Variants in GMIP observed in about 807,000 individuals in gnomAD.
The protein encoded by GMIP is GEM interacting protein.
A neutral mutation model predicts 105.3 loss-of-function variants in GMIP; 54 were observed. That is an observed-to-expected ratio of 0.51 (90% CI 0.41 to 0.64). GMIP has a LOEUF of 0.64. GMIP is among the 30% of genes least tolerant of loss of function. The probability of loss-of-function intolerance (pLI) is 0.00; values close to 1 mark genes in which losing one functional copy is unlikely to be tolerated. For synonymous variants in GMIP, 541 were observed against 560.8 expected (o/e 0.96, Z 0.50); for missense variants, 1,110 against 1,319.4 (o/e 0.84, Z 2.46).
chr19:19,631,698 C>G (rs557169348), intron 19 of GMIP, among the ~76,000 whole-genome samples: 1 of 152,186 alleles, frequency 6.6e-6, no homozygotes. Context: ...AAAGATTCTA[C>G]GCCAGGCGGC....
rs116191030 is a variant in GMIP at position 19,638,628 on chromosome 19, G to A, written c.538-146C>T. On this transcript the variant is annotated intron_variant, in intron 7 of 20. Coordinates refer to ENST00000203556, the MANE Select transcript of GMIP (RefSeq NM_016573.4). The stretch of plus-strand genomic sequence containing the variant: ...TTCGAGACGGAGTTTTGCTCTTGTT[G>A]CCCAGGTTGGAGTGCAAGTGGGCAA... 2,052 of 659,524 alleles carry A rather than the reference G, an allele frequency of 3.1e-3. 28 individuals are homozygous for A. The African/African-American group carries it at 0.032, about 10-fold the overall frequency. 40.9% of individuals were successfully genotyped at this position (659,524 alleles called of 1,614,324 possible).
intron 19 of GMIP, among the ~76,000 whole-genome samples, chr19:19,632,909 T>G (rs2061810927): frequency 6.6e-6 from 1 of 152,168 alleles, no homozygotes; most frequent in East Asian, 1.9e-4. Context: ...ACCCTTCACC[T>G]GATCTCCATG....
chr19:19,640,231 C>G, intron 6 of GMIP, 39 bp from the exon 7 acceptor site: 1 of 1,575,518 alleles, frequency 6.3e-7, no homozygotes, highest in Non-Finnish European at 8.7e-7. Context: ...TACTGAAGAT[C>G]TGTGGGGGAC....
In GMIP at chr19:19,635,459, G is replaced by T. The variant is rs765676198; in HGVS notation, c.1516C>A (p.Arg506Ser). ...CTGACCATGAAGGCTTCGCACTCGC[G>T]GCACTTGGCTGGGCCCCGCAGTCGC... is the stretch of plus-strand genomic sequence containing the variant. ...LRRLRGPAKC[R>S]ECEAFMVSGT... The change falls in exon 15 of 21, where the codon CGC becomes AGC. Residue 506 changes from arginine to serine, a missense_variant. Arg to Ser is a moderately radical substitution (Grantham distance 110). Around this residue, in one of 3 missense-constraint regions of GMIP, gnomAD observed 667 missense variants for 773.2 expected, o/e 0.86. Transcript: ENST00000203556. This position sits in a 1 kb window ranked among gnomAD's most constrained non-coding sequence, Gnocchi z 4.7. 6.2e-7 allele frequency: 1 copy of T among 1,610,060 alleles called. No individual in the cohort carries two copies. Among genetic ancestry groups the T allele is most frequent in the South Asian group, 1.1e-5 (1 of 91,014 alleles).
At chr19:19,640,216 G>C in intron 6 of GMIP, 24 bp from the exon 7 acceptor site, 1 of 1,586,158 alleles carries the variant, frequency 6.3e-7, no homozygotes, top group Non-Finnish European at 8.7e-7. Flanking sequence ...AGTGGTGTAG[G>C]AGGATACTGA....
Position 19,637,921 on chromosome 19 carries a change from C to T in GMIP, c.926G>A (p.Arg309Gln). ...GATGGCCTTGGGGATGGGCCTCACCCGCCTCAGCACTTCATCCCCCTGAAA... is the reference window on the plus strand; with the variant it reads ...GATGGCCTTGGGGATGGGCCTCACCTGCCTCAGCACTTCATCCCCCTGAAA... ...LVFQGDEVLR[R>Q]VTLSLFGLRG... The change falls in exon 10 of 21, where the codon CGG (arginine) becomes CAG (glutamine). Residue 309 changes from arginine (R) to glutamine (Q), a missense_variant and splice_region_variant. Transcript: ENST00000203556. This position sits in a 1 kb window ranked among gnomAD's most constrained non-coding sequence, Gnocchi z 6.7. 1 of 1,598,122 alleles carries T rather than the reference C, an allele frequency of 6.3e-7. No individual in the cohort carries two copies. The highest frequency in any genetic ancestry group is 8.5e-7 in the Non-Finnish European group (1 of 1,172,978).
intron 4 of GMIP, 96 bp from the exon 5 acceptor site, chr19:19,640,667 A>C: frequency 3.3e-6 from 4 of 1,202,762 alleles, no homozygotes; most frequent in South Asian, 1.3e-5. Flanking sequence ...CCTGTCCTAC[A>C]GCCTCACAGC....
rs1223688459 is a variant in GMIP, at chr19:19,630,157, T to A, written c.2719A>T (p.Ser907Cys). The A allele has an allele frequency of 1.2e-6, 2 of 1,604,558 alleles. No individual in the cohort carries two copies. Among genetic ancestry groups the A allele is most frequent in the Non-Finnish European group, 1.7e-6 (2 of 1,174,150 alleles). Residue 907 changes from serine (S) to cysteine (C), a missense_variant, in exon 21 of 21, where the codon AGT (serine) becomes TGT (cysteine). By Grantham distance (112) the Ser-to-Cys change is moderately radical. Around this residue, in one of 3 missense-constraint regions of GMIP, gnomAD observed 394 missense variants for 450.5 expected, o/e 0.87. Coordinates refer to ENST00000203556, the MANE Select transcript of GMIP (RefSeq NM_016573.4). The surrounding 1 kb of genome is among the most constrained non-coding windows in gnomAD (Gnocchi z 4.8). ...ETPITSVPRG[S>C]LRGRGPSPAA... ...GGGCTGGGCCCCCGCCCCCGCAAACTCCCTCTGGGCACTGATGTGATGGGG... is the reference window on the plus strand; with the variant it reads ...GGGCTGGGCCCCCGCCCCCGCAAACACCCTCTGGGCACTGATGTGATGGGG...
At position 19,630,507 on chromosome 19, in the gene GMIP, C is replaced by T. The variant is rs531337427; in HGVS notation, c.2503G>A (p.Asp835Asn). Residue 835 changes from aspartate (D) to asparagine (N), a missense_variant, in exon 20 of 21, where the codon GAC becomes AAC. This residue lies in a region of GMIP where 394 missense variants were observed against 450.5 expected (regional missense o/e 0.87). Transcript: ENST00000203556. This position sits in a 1 kb window ranked among gnomAD's most constrained non-coding sequence, Gnocchi z 4.8. ...IPTPQSDQRE[D>N]VAEDTKDGGG... ...CCATCTTTGGTGTCTTCAGCCACGT[C>T]CTCTCTCTGGTCACTCTGTGGAGTT... The T allele has an allele frequency of 6.2e-7, 1 of 1,614,090 alleles. No homozygotes were observed. Among genetic ancestry groups the T allele is most frequent in the Non-Finnish European group, 8.5e-7 (1 of 1,179,956 alleles).
intron 4 of GMIP, 26 bp from the exon 5 acceptor site, chr19:19,640,597 C>T (rs755788287): frequency 2.5e-6 from 4 of 1,613,268 alleles, no homozygotes; most frequent in Admixed American, 1.7e-5. Flanking sequence ...GGACCTCTGA[C>T]CTTTGCACCC....
intron 7 of GMIP, 56 bp from the exon 8 acceptor site, chr19:19,638,538 A>G (rs941551622): frequency 1.4e-6 from 2 of 1,431,564 alleles, no homozygotes; most frequent in African/African-American, 1.4e-5. Context: ...ACCCAGAAGC[A>G]GCCACCCAGT....
chr19:19,636,777 C>T lies in GMIP; in HGVS notation c.1257G>A (p.Pro419=), dbSNP rs142302359. The change falls in exon 13 of 21, where the codon CCG becomes CCA. Residue 419 remains proline, a synonymous_variant. Transcript: ENST00000203556. ...WRWQGTPGPT[P]GSDVDSVGGG... ...CACCCACGCTGTCCACATCGCTGCCCGGAGTGGGGCCTGGAGTCCCTAGGT... is the reference window on the plus strand; with the variant it reads ...CACCCACGCTGTCCACATCGCTGCCTGGAGTGGGGCCTGGAGTCCCTAGGT... The T allele has an allele frequency of 1.4e-5, 23 of 1,612,354 alleles. No homozygotes were observed. Among genetic ancestry groups the T allele is most frequent in the Admixed American group, 1.7e-5 (1 of 59,760 alleles).
rs1382360542 is a variant in GMIP at position 19,633,892 on chromosome 19, A to G, written c.2383T>C (p.Ser795Pro). The stretch of plus-strand genomic sequence containing the variant: ...TCTGAGGCTAGGACTGGGGGCTGGG[A>G]GTCTGGGTCAAGGTGCGGGGGTGGC... ...QPPPPHLDPDSQPPVLASDPG... is the reference protein window; with the variant it reads ...QPPPPHLDPDPQPPVLASDPG... The change falls in exon 19 of 21, where the codon TCC becomes CCC. Residue 795 changes from serine to proline, a missense_variant. Physicochemically the swap from Ser to Pro is moderately conservative, Grantham distance 74 (BLOSUM62 -1). Coordinates refer to ENST00000203556, the MANE Select transcript of GMIP (RefSeq NM_016573.4). 1 of 1,407,876 alleles carries G rather than the reference A, an allele frequency of 7.1e-7. No individual in the cohort carries two copies. The highest frequency in any genetic ancestry group is 9.3e-7 in the Non-Finnish European group (1 of 1,073,148). 87.2% of individuals were successfully genotyped at this position (1,407,876 alleles called of 1,614,324 possible).
chr19:19,641,997 G>C lies in GMIP; in HGVS notation c.159C>G (p.Asp53Glu), dbSNP rs756437977. The change falls in exon 3 of 21, where the codon GAC (aspartate) becomes GAG (glutamate). Residue 53 changes from aspartate to glutamate, a missense_variant. By Grantham distance (45) the Asp-to-Glu change is conservative. Transcript: ENST00000203556. ...TCACAACAGTGGCTGTAGGGGTCTT[G>C]TCAGGTTCTGGGTCTTCTGAGAGTA... ...DPLLSEDPEP[D>E]KTPTATVTNE... 1.9e-6 allele frequency: 3 copies of C among 1,613,368 alleles called. No homozygotes were observed. The highest frequency in any genetic ancestry group is 1.3e-5 in the African/African-American group (1 of 74,924).
chr19:19,636,716 A>C lies in GMIP; in HGVS notation c.1318T>G (p.Ser440Ala). ...CAGGTCCTATCCCTACCTGGGCTGG[A>C]AGTGGGTGAGTCCAGGGACCGAGAC... ...SESRSLDSPT[S>A]SPGAGTRQLV... Residue 440 changes from serine (S) to alanine (A), a missense_variant, in exon 13 of 21, where the codon TCC becomes GCC. By Grantham distance (99) the Ser-to-Ala change is moderately conservative. This residue lies in a region of GMIP where 667 missense variants were observed against 773.2 expected (regional missense o/e 0.86). Transcript: ENST00000203556. 1 of 1,612,200 alleles carries C rather than the reference A, an allele frequency of 6.2e-7. No homozygotes were observed. The highest frequency in any genetic ancestry group is 2.2e-5 in the East Asian group (1 of 44,864).
chr19:19,634,490 C>A lies in GMIP; in HGVS notation c.2084+17G>T. On this transcript the variant is annotated intron_variant, in intron 18 of 20. Transcript: ENST00000203556. This position sits in a 1 kb window ranked among gnomAD's most constrained non-coding sequence, Gnocchi z 6.1. ...GGGAAAAGGGTCGCGTTTCAAGGCT[C>A]AGGGACCCATGCACACCTGAACAGA... The A allele has an allele frequency of 1.3e-6, 2 of 1,589,892 alleles. No homozygotes were observed. Among genetic ancestry groups the A allele is most frequent in the Non-Finnish European group, 1.7e-6 (2 of 1,172,138 alleles).
chr19:19,639,937 A>G, intron 7 of GMIP, 148 bp downstream of exon 7: 1 of 603,296 alleles, frequency 1.7e-6, no homozygotes, highest in Non-Finnish European at 3.0e-6. Flanking sequence ...GTTCCCAAGC[A>G]TCCCCGGGCC....
chr19:19,643,538 C>T lies in GMIP; in HGVS notation c.-9G>A, dbSNP rs745443942. ...GGCTCTGCTGCGTCCATATCTGGGC[C>T]CGGGGATCGCTCTGCAGGGACCGGG... On this transcript the variant is annotated 5_prime_UTR_variant, in exon 1 of 21. Coordinates refer to ENST00000203556, the MANE Select transcript of GMIP (RefSeq NM_016573.4). The T allele has an allele frequency of 2.6e-4, 407 of 1,547,244 alleles. 1 individual carries two copies. Among genetic ancestry groups the T allele is most frequent in the Non-Finnish European group, 3.5e-4 (401 of 1,145,194 alleles).
At position 19,637,875 on chromosome 19, in the gene GMIP, G is replaced by T. The variant is rs561163795; in HGVS notation, c.927+45C>A. The T allele has an allele frequency of 1.2e-4, 182 of 1,558,076 alleles. 1 individual carries two copies. In the South Asian group the frequency reaches 2.1e-3, roughly 18 times the overall value. ...GCGAGGAGTGGGGCACTCAGTCGGG[G>T]CCCCAACGGGGTGAGGGGAGGATGG... is the stretch of plus-strand genomic sequence containing the variant. On this transcript the variant is annotated intron_variant, in intron 10 of 20. Transcript: ENST00000203556. The surrounding 1 kb of genome is among the most constrained non-coding windows in gnomAD (Gnocchi z 6.7).
Sources: allele counts gnomAD v4.1 joint callset (sites outside exome capture counted in the v4.1 genomes callset), GRCh38; gene constraint gnomAD v4.1.1; regional missense constraint gnomAD v4.1.1; non-coding constraint Gnocchi (gnomAD v3.1); transcripts MANE v1.5; gene names NCBI Gene and HGNC (gene_info 2026-07-23, HGNC 2026-07-21).